DPYD: variants seen among roughly 807,000 people sequenced by gnomAD.
The protein encoded by DPYD is dihydropyrimidine dehydrogenase.
In DPYD, 109 loss-of-function variants were observed where a neutral mutation model predicts 116.2. The ratio of observed to expected loss-of-function variants is 0.94; its 90% confidence interval spans 0.80 to 1.10. The LOEUF is 1.10. DPYD is among the 50% of genes least tolerant of loss of function. The pLI is 0.00. For missense variants in DPYD, 1,302 were observed against 1,254.5 expected (o/e 1.04, Z -0.57); for synonymous variants, 440 against 432.0 (o/e 1.02, Z -0.23).
At chr1:97,364,913 A>G (rs543853250) in intron 16 of DPYD, among the ~76,000 whole-genome samples, 1 of 152,254 alleles carries the variant, frequency 6.6e-6, no homozygotes, top group African/African-American at 2.4e-5. Context: ...CAGCTCACCT[A>G]TCGCAGTTGG....
intron 16 of DPYD, among the ~76,000 whole-genome samples, chr1:97,312,000 G>C (rs1470167150): frequency 2.0e-5 from 3 of 151,650 alleles, no homozygotes; most frequent in Non-Finnish European, 4.4e-5. Context: ...AGCTTTTGAG[G>C]TGTTGGAGAT....
At chr1:97,149,990 C>A (rs1239778249) in intron 20 of DPYD, among the ~76,000 whole-genome samples, 2 of 152,146 alleles carry the variant, frequency 1.3e-5, no homozygotes, top group East Asian at 3.9e-4. Flanking sequence ...CATAATGTGG[C>A]CATTGTCAAC....
intron 5 of DPYD, among the ~76,000 whole-genome samples, chr1:97,717,181 ATTAT>A (rs1662661650): frequency 1.3e-5 from 2 of 152,096 alleles, no homozygotes; most frequent in African/African-American, 4.8e-5. Context: ...ACTGTAGTTA[ATTAT>A]TTATTGTATA....
intron 8 of DPYD, among the ~76,000 whole-genome samples, chr1:97,663,979 G>A (rs111839093): frequency 3.9e-5 from 6 of 152,014 alleles, no homozygotes; most frequent in African/African-American, 1.4e-4. Context: ...ATATATTGTG[G>A]GAAAAAAGGA....
In DPYD at chr1:97,167,520, A is replaced by C. The variant is rs1252797987; in HGVS notation, c.2622+25549T>G. Among the ~76,000 whole-genome samples, 4 of 152,310 alleles carry C rather than the reference A, an allele frequency of 2.6e-5. No individual in the cohort carries two copies. In the East Asian group the frequency reaches 7.7e-4, roughly 29 times the overall value. On this transcript the variant is annotated intron_variant, in intron 20 of 22. Transcript: ENST00000370192. Reference sequence around the variant, plus strand: ...TAGGATGCTTTCTATATTCTACAAAAGTCTACAGCAAAAATGCACTAACGT... The same window carrying C: ...TAGGATGCTTTCTATATTCTACAAACGTCTACAGCAAAAATGCACTAACGT...
At chr1:97,341,206 G>T (rs959064751) in intron 16 of DPYD, among the ~76,000 whole-genome samples, 1 of 152,110 alleles carries the variant, frequency 6.6e-6, no homozygotes, top group Non-Finnish European at 1.5e-5. Flanking sequence ...CTGTTTCATA[G>T]CAAAAGGAGC....
At chr1:97,233,400 G>A (rs934557849) in intron 19 of DPYD, among the ~76,000 whole-genome samples, 2 of 152,086 alleles carry the variant, frequency 1.3e-5, no homozygotes, top group African/African-American at 4.8e-5. Context: ...CTCAGGTGAG[G>A]GTAGAAGTCC....
intron 14 of DPYD, among the ~76,000 whole-genome samples, chr1:97,384,589 A>C (rs984474994): frequency 2.0e-5 from 3 of 152,156 alleles, no homozygotes; most frequent in African/African-American, 7.2e-5. Context: ...TAAGTTAGAG[A>C]AGTGAAAAAT....
At chr1:97,619,549 C>T (rs1231111193) in intron 8 of DPYD, among the ~76,000 whole-genome samples, 2 of 152,156 alleles carry the variant, frequency 1.3e-5, no homozygotes, top group African/African-American at 4.8e-5. Context: ...TATATTAAAT[C>T]CGCATCCACC....
intron 14 of DPYD, among the ~76,000 whole-genome samples, chr1:97,424,469 C>A (rs1674755615): frequency 6.6e-6 from 1 of 151,862 alleles, no homozygotes; most frequent in African/African-American, 2.4e-5. Flanking sequence ...ACAAGACCTG[C>A]TAGAATATGA....
chr1:97,215,470 A>G (rs990450610), intron 19 of DPYD, among the ~76,000 whole-genome samples: 2 of 152,208 alleles, frequency 1.3e-5, no homozygotes, highest in African/African-American at 4.8e-5. Flanking sequence ...AGAGAGCCGA[A>G]GTCCACTTTC....
intron 16 of DPYD, among the ~76,000 whole-genome samples, chr1:97,372,091 T>C (rs1671340246): frequency 6.6e-6 from 1 of 152,158 alleles, no homozygotes; most frequent in Non-Finnish European, 1.5e-5. Context: ...AAAAATAAAC[T>C]CAGGTGGGAC....
intron 20 of DPYD, among the ~76,000 whole-genome samples, chr1:97,164,462 A>G (rs1656161809): frequency 6.6e-6 from 1 of 152,218 alleles, no homozygotes; most frequent in African/African-American, 2.4e-5. Context: ...CTGGGCACCC[A>G]GATGGGAAGA....
intron 5 of DPYD, 44 bp downstream of exon 5, chr1:97,721,466 A>C (rs1662918850): frequency 6.2e-7 from 1 of 1,606,274 alleles, no homozygotes. Flanking sequence ...ATATTTGTGC[A>C]TGGTGATGGT....
chr1:97,442,691 C>G (rs975962226), intron 14 of DPYD, among the ~76,000 whole-genome samples: 6 of 151,892 alleles, frequency 4.0e-5, no homozygotes, highest in Non-Finnish European at 5.9e-5. Flanking sequence ...ATATAATGAA[C>G]TCAAATTGAA....
intron 2 of DPYD, among the ~76,000 whole-genome samples, chr1:97,862,034 C>G (rs1363741174): frequency 3.5e-5 from 4 of 115,764 alleles, no homozygotes; most frequent in Non-Finnish European, 7.8e-5. Flanking sequence ...ATCCTAAAAT[C>G]CTTACTATTA....
chr1:97,697,111 C>G (rs754007263), intron 6 of DPYD, among the ~76,000 whole-genome samples: 2 of 151,952 alleles, frequency 1.3e-5, no homozygotes, highest in Non-Finnish European at 2.9e-5. Flanking sequence ...CCCTTTTAAC[C>G]CTGTTAAACT....
chr1:97,377,914 G>A (rs751727742), intron 15 of DPYD, among the ~76,000 whole-genome samples: 2 of 152,224 alleles, frequency 1.3e-5, no homozygotes, highest in Admixed American at 6.5e-5. Context: ...GAAGACGTCC[G>A]TGGGTGATAA....
At chr1:97,384,118 A>C (rs758745773) in intron 14 of DPYD, among the ~76,000 whole-genome samples, 1 of 152,110 alleles carries the variant, frequency 6.6e-6, no homozygotes, top group Non-Finnish European at 1.5e-5. Flanking sequence ...CCATAAAATA[A>C]AAAAATAAAG....
Sources: allele counts gnomAD v4.1 joint callset (sites outside exome capture counted in the v4.1 genomes callset), GRCh38; gene constraint gnomAD v4.1.1; transcripts MANE v1.5; gene names NCBI Gene and HGNC (gene_info 2026-07-23, HGNC 2026-07-21).